CECR2: variants seen among roughly 807,000 people sequenced by gnomAD.
CECR2 encodes CECR2 histone acetyl-lysine reader, also known as chromatin remodeling regulator CECR2.
In CECR2, 30 loss-of-function variants were observed where a neutral mutation model predicts 154.5. The observed-to-expected ratio is 0.19, with a 90% CI of 0.15 to 0.26. The LOEUF (loss-of-function observed/expected upper bound fraction) is 0.26, where lower values mean the gene tolerates loss of function less well. Among genes scored for constraint, CECR2 ranks in the 10% least tolerant of loss-of-function variants. The pLI is 1.00. For synonymous variants in CECR2, 725 were observed against 683.7 expected (o/e 1.06, Z -0.94); for missense variants, 1,743 against 1,829.3 (o/e 0.95, Z 0.86).
intron 1 of CECR2, among the ~76,000 whole-genome samples, chr22:17,416,938 T>A (rs895054652): frequency 6.6e-6 from 1 of 152,048 alleles, no homozygotes; most frequent in African/African-American, 2.4e-5. Flanking sequence ...ATTATTTCCA[T>A]ATAGTAACTC....
intron 8 of CECR2, among the ~76,000 whole-genome samples, chr22:17,522,551 T>A (rs1233228487): frequency 6.6e-6 from 1 of 152,228 alleles, no homozygotes; most frequent in African/African-American, 2.4e-5. Flanking sequence ...ATTTTATGGT[T>A]GTTATTTAAT....
chr22:17,485,997 G>A (rs141202783), intron 2 of CECR2, among the ~76,000 whole-genome samples: 32 of 152,062 alleles, frequency 2.1e-4, no homozygotes, highest in Middle Eastern at 3.4e-3. Flanking sequence ...TTTTTGTTTT[G>A]AAGACGAGAT....
intron 1 of CECR2, among the ~76,000 whole-genome samples, chr22:17,386,836 AG>A (rs2063268257): frequency 6.6e-6 from 1 of 152,014 alleles, no homozygotes; most frequent in Non-Finnish European, 1.5e-5. Context: ...ATTGTAGTAG[AG>A]ACAGGGTTTC....
At chr22:17,421,614 CAAAA>C (rs34156323) in intron 1 of CECR2, among the ~76,000 whole-genome samples, 11 of 23,374 alleles carry the variant, frequency 4.7e-4, no homozygotes, top group African/African-American at 1.7e-3. Flanking sequence ...GACTCCGTCT[CAAAA>C]AAAAAAAAAA....
At chr22:17,412,173 A>G (rs1326789376) in intron 1 of CECR2, among the ~76,000 whole-genome samples, 2 of 152,200 alleles carry the variant, frequency 1.3e-5, no homozygotes, top group East Asian at 3.8e-4. Context: ...TTTCTTCTGC[A>G]TGTCAAATAA....
intron 1 of CECR2, among the ~76,000 whole-genome samples, chr22:17,415,355 A>G (rs1343001208): frequency 6.6e-6 from 1 of 152,010 alleles, no homozygotes; most frequent in Non-Finnish European, 1.5e-5. Flanking sequence ...CTTCCACCTT[A>G]GCCTCCCAAG....
At position 17,548,277 on chromosome 22, in the gene CECR2, A is replaced by G; in HGVS notation, c.2990A>G (p.Glu997Gly). The change falls in exon 17 of 19, where the codon GAA becomes GGA. Residue 997 changes from glutamate (E) to glycine (G), a missense_variant. By Grantham distance (98) the Glu-to-Gly change is moderately conservative. Transcript: ENST00000262608. ...TDCTRQSSPQERETVGPELKS... is the reference protein window; with the variant it reads ...TDCTRQSSPQGRETVGPELKS... ...TGCACCAGGCAGAGCTCACCACAAGAAAGGGAAACAGTGGGCCCGGAGCTC... is the reference window on the plus strand; with the variant it reads ...TGCACCAGGCAGAGCTCACCACAAGGAAGGGAAACAGTGGGCCCGGAGCTC... 1.9e-6 allele frequency: 3 copies of G among 1,607,622 alleles called. No individual in the cohort carries two copies. The highest frequency in any genetic ancestry group is 1.7e-6 in the Non-Finnish European group (2 of 1,176,956).
intron 9 of CECR2, among the ~76,000 whole-genome samples, chr22:17,528,518 CT>C (rs765555591): frequency 6.6e-6 from 1 of 151,070 alleles, no homozygotes; most frequent in South Asian, 2.1e-4. Context: ...AGAAGTATGG[CT>C]TTTTTTTTCT....
intron 1 of CECR2, among the ~76,000 whole-genome samples, chr22:17,474,834 T>A (rs1224172895): frequency 6.6e-6 from 1 of 152,200 alleles, no homozygotes; most frequent in East Asian, 1.9e-4. Context: ...GCCTTTGTTA[T>A]TTATTTATTT....
chr22:17,525,798 C>T (rs191542134), intron 9 of CECR2, among the ~76,000 whole-genome samples: 1 of 152,046 alleles, frequency 6.6e-6, no homozygotes, highest in East Asian at 1.9e-4. Flanking sequence ...TTAATAGGGT[C>T]CTTATTGGGT....
intron 8 of CECR2, among the ~76,000 whole-genome samples, chr22:17,514,275 G>A (rs942009329): frequency 6.6e-6 from 1 of 152,162 alleles, no homozygotes; most frequent in South Asian, 2.1e-4. Context: ...TTGGGTGTTC[G>A]TCTCAAATGT....
intron 1 of CECR2, among the ~76,000 whole-genome samples, chr22:17,408,003 CT>C (rs1271591379): frequency 6.6e-6 from 1 of 152,154 alleles, no homozygotes; most frequent in African/African-American, 2.4e-5. Flanking sequence ...TGGTGATCCC[CT>C]CTAAATTATT....
rs56402222 is a variant in CECR2 at position 17,528,163 on chromosome 22, C to T, written c.1108+3892C>T. ...AAGATTTGGAAGCAACCTAAGTGTC[C>T]GTCAGCAAATGAATGGATAAAGAAA... On this transcript the variant is annotated intron_variant, in intron 9 of 18. Coordinates refer to ENST00000262608, the MANE Select transcript of CECR2 (RefSeq NM_001290047.2). Among the ~76,000 whole-genome samples, 686 of 151,956 alleles carry T rather than the reference C, an allele frequency of 4.5e-3. 4 individuals carry two copies. The highest frequency in any genetic ancestry group is 0.016 in the African/African-American group (649 of 41,524).
intron 1 of CECR2, among the ~76,000 whole-genome samples, chr22:17,435,831 C>T (rs1474357836): frequency 6.6e-6 from 1 of 152,094 alleles, no homozygotes; most frequent in African/African-American, 2.4e-5. Context: ...CTGAAACACA[C>T]TGTACTAAAT....
At chr22:17,378,516 G>A (rs1045986368) in intron 1 of CECR2, among the ~76,000 whole-genome samples, 5 of 151,762 alleles carry the variant, frequency 3.3e-5, no homozygotes, top group South Asian at 2.1e-4. Flanking sequence ...CAGGATGGTC[G>A]CAATCTCCTG....
chr22:17,497,612 C>T (rs2055654819), intron 3 of CECR2, 26 bp downstream of exon 3: 1 of 1,605,740 alleles, frequency 6.2e-7, no homozygotes, highest in Admixed American at 1.7e-5. Context: ...GAACCTTTCC[C>T]TGTAGCTGTG....
intron 7 of CECR2, among the ~76,000 whole-genome samples, chr22:17,509,579 C>A (rs2055905453): frequency 6.6e-6 from 1 of 152,122 alleles, no homozygotes; most frequent in African/African-American, 2.4e-5. Flanking sequence ...TAGGCACACA[C>A]CACCACGCCC....
chr22:17,512,278 G>C (rs146975957), intron 8 of CECR2, among the ~76,000 whole-genome samples: 1,821 of 152,198 alleles, frequency 0.012, 37 homozygotes, highest in African/African-American at 0.042. Context: ...TTGATGGAAG[G>C]GGAGCAAAGA....
At chr22:17,536,652 T>C (rs1279590657) in intron 9 of CECR2, among the ~76,000 whole-genome samples, 2 of 152,202 alleles carry the variant, frequency 1.3e-5, no homozygotes, top group Non-Finnish European at 2.9e-5. Flanking sequence ...TTTAAAATCC[T>C]GTGTGTGTAT....
Sources: gnomAD v4.1 joint callset for allele counts (sites outside exome capture counted in the v4.1 genomes callset) on GRCh38, gnomAD v4.1.1 for gene constraint, MANE v1.5 for transcripts, NCBI Gene and HGNC (gene_info 2026-07-23, HGNC 2026-07-21) for gene names.